Variants in ATP6V0A1 observed in about 807,000 individuals in gnomAD.
ATP6V0A1 encodes ATPase H+ transporting V0 subunit a1, also known as V-type proton ATPase 116 kDa subunit a 1.
Under a neutral mutation model 105.4 loss-of-function variants are expected in ATP6V0A1, and 43 were observed. The observed-to-expected ratio is 0.41, with a 90% CI of 0.32 to 0.53. ATP6V0A1 has a LOEUF of 0.53. Among genes scored for constraint, ATP6V0A1 ranks in the 20% least tolerant of loss-of-function variants. ATP6V0A1 has a pLI of 0.30. For missense variants in ATP6V0A1, 676 were observed against 1,051.1 expected, an observed-to-expected ratio of 0.64 and a Z score of 4.93; for synonymous variants, 362 against 372.8, an observed-to-expected ratio of 0.97 and a Z score of 0.33.
At chr17:42,507,713 C>A (rs1400000652) in intron 18 of ATP6V0A1, 86 bp downstream of exon 18, 2 of 1,110,164 alleles carry the variant, frequency 1.8e-6, no homozygotes, top group Non-Finnish European at 1.4e-6. Flanking sequence ...CTCCAGTCTT[C>A]TCCTTGAAAA....
rs1010595673 is a variant in ATP6V0A1, at chr17:42,463,431, A to G, written c.117+2420A>G. ...TTAGTTTTCCCTGTTCTTGAATTATATGTAAACGACTCATACATTGCAAAC... is the reference window on the plus strand; with the variant it reads ...TTAGTTTTCCCTGTTCTTGAATTATGTGTAAACGACTCATACATTGCAAAC... On this transcript the variant is annotated intron_variant, in intron 2 of 21. Transcript: ENST00000343619. Among the ~76,000 whole-genome samples, 87 of 152,166 alleles carry G rather than the reference A, an allele frequency of 5.7e-4. 1 individual carries two copies. Among genetic ancestry groups the G allele is most frequent in the Admixed American group, 5.4e-3 (83 of 15,272 alleles).
At chr17:42,475,392 G>A (rs987078567) in intron 5 of ATP6V0A1, among the ~76,000 whole-genome samples, 1 of 152,210 alleles carries the variant, frequency 6.6e-6, no homozygotes, top group Non-Finnish European at 1.5e-5. Context: ...TATTCACAAT[G>A]TTGTTATTAG....
chr17:42,465,690 G>A (rs892283614), intron 2 of ATP6V0A1, among the ~76,000 whole-genome samples: 2 of 151,822 alleles, frequency 1.3e-5, no homozygotes, highest in African/African-American at 4.8e-5. Context: ...GGTGCCAGAC[G>A]TGGTGGCTCA....
rs1190432004 is a variant in ATP6V0A1 at position 42,500,786 on chromosome 17, G to A, written c.1759G>A (p.Val587Ile). The A allele has an allele frequency of 6.2e-7, 1 of 1,613,810 alleles. No homozygotes were observed. The highest frequency in any genetic ancestry group is 1.1e-5 in the South Asian group (1 of 91,060). The change falls in exon 16 of 22, where the codon GTT becomes ATT. Residue 587 changes from valine (V) to isoleucine (I), a missense_variant. By Grantham distance (29) the Val-to-Ile change is conservative. Coordinates refer to ENST00000343619, the MANE Select transcript of ATP6V0A1 (RefSeq NM_001130021.3). ...IFMTSLFGYL[V>I]ILIFYKWTAY... is the part of the protein sequence containing the mutation. ...CATGACCTCTTTGTTTGGCTATTTG[G>A]TTATCCTTATTTTTTACAAGTGGAC... is the stretch of plus-strand genomic sequence containing the variant.
chr17:42,465,434 A>G (rs568387885), intron 2 of ATP6V0A1, among the ~76,000 whole-genome samples: 3 of 150,924 alleles, frequency 2.0e-5, no homozygotes, highest in East Asian at 4.0e-4. Flanking sequence ...GGGATTACAG[A>G]TGTACACTAC....
At chr17:42,505,513 G>T (rs1291594914) in intron 17 of ATP6V0A1, among the ~76,000 whole-genome samples, 2 of 148,556 alleles carry the variant, frequency 1.3e-5, no homozygotes, top group African/African-American at 5.0e-5. Flanking sequence ...CTAATTTTTG[G>T]ATTTTTAGGA....
chr17:42,491,099 G>A (rs371113969), intron 11 of ATP6V0A1, among the ~76,000 whole-genome samples: 1 of 151,524 alleles, frequency 6.6e-6, no homozygotes. Context: ...TTTTAGAGAC[G>A]GGGTCTTGTT....
intron 8 of ATP6V0A1, chr17:42,481,067 G>A (rs564638812): frequency 2.2e-4 from 41 of 183,428 alleles, no homozygotes; most frequent in Non-Finnish European, 4.1e-4. Context: ...GACTACAGGC[G>A]TGTGCCACCA....
chr17:42,508,870 C>T (rs2092188539), intron 19 of ATP6V0A1, among the ~76,000 whole-genome samples: 2 of 152,240 alleles, frequency 1.3e-5, no homozygotes, highest in East Asian at 1.9e-4. Context: ...AATGTCTTCA[C>T]TGGCATTCTT....
At chr17:42,505,854 C>T (rs1424543917) in intron 17 of ATP6V0A1, among the ~76,000 whole-genome samples, 3 of 150,208 alleles carry the variant, frequency 2.0e-5, no homozygotes, top group Non-Finnish European at 4.4e-5. Context: ...GTGGTATGAT[C>T]TCAGCTCACT....
chr17:42,496,252 C>A (rs909067973), intron 14 of ATP6V0A1: 2 of 152,114 alleles, frequency 1.3e-5, no homozygotes, highest in Non-Finnish European at 2.9e-5. Flanking sequence ...TTAATAATAT[C>A]GACTCTGGGA....
At chr17:42,480,859 T>A in intron 8 of ATP6V0A1, 110 bp downstream of exon 8, 1 of 898,212 alleles carries the variant, frequency 1.1e-6, no homozygotes, top group South Asian at 1.8e-5. Flanking sequence ...CTCAACACAG[T>A]TAATTTTAAT....
intron 11 of ATP6V0A1, among the ~76,000 whole-genome samples, chr17:42,491,400 TC>T (rs2090610296): frequency 6.6e-6 from 1 of 152,188 alleles, no homozygotes; most frequent in Non-Finnish European, 1.5e-5. Context: ...AAGCTCTGCC[TC>T]CCAGGTTCAC....
At chr17:42,496,152 G>C (rs1394081157) in intron 14 of ATP6V0A1, 2 of 164,122 alleles carry the variant, frequency 1.2e-5, no homozygotes, top group African/African-American at 4.8e-5. Flanking sequence ...AAACCTTGAT[G>C]TATGTATTCA....
chr17:42,500,421 C>T (rs531866338), intron 15 of ATP6V0A1, among the ~76,000 whole-genome samples: 1 of 152,206 alleles, frequency 6.6e-6, no homozygotes, highest in Non-Finnish European at 1.5e-5. Flanking sequence ...GTTAAGACTG[C>T]GGTGAGCCAA....
rs2088927073 is a variant in ATP6V0A1 at position 42,477,649 on chromosome 17, A to G, written c.424-11A>G. The G allele has an allele frequency of 1.2e-6, 2 of 1,613,328 alleles. No homozygotes were observed. The highest frequency in any genetic ancestry group is 1.7e-5 in the Admixed American group (1 of 59,900). ...GATTTGTGAATTCAGGCTGAATTGC[A>G]TCATCAGCAGATGGCGGATCCAGAC... On this transcript the variant is annotated splice_polypyrimidine_tract_variant and intron_variant, in intron 5 of 21. Transcript: ENST00000343619.
intron 10 of ATP6V0A1, among the ~76,000 whole-genome samples, chr17:42,490,149 A>G (rs1057067187): frequency 2.6e-5 from 4 of 152,208 alleles, no homozygotes; most frequent in African/African-American, 7.2e-5. Context: ...GGGGAGAACA[A>G]CTTTCATAAA....
intron 21 of ATP6V0A1, among the ~76,000 whole-genome samples, chr17:42,514,670 G>A (rs542561210): frequency 1.3e-5 from 2 of 152,268 alleles, no homozygotes; most frequent in South Asian, 4.2e-4. Flanking sequence ...GCCTTCCCTA[G>A]GCTCTAGGGA....
chr17:42,491,059 A>G (rs990896868), intron 11 of ATP6V0A1, among the ~76,000 whole-genome samples: 5 of 151,714 alleles, frequency 3.3e-5, no homozygotes, highest in Admixed American at 1.3e-4. Context: ...GGGTTTTGCT[A>G]TGTTGCCCAG....
Sources: gnomAD v4.1 joint callset for allele counts (sites outside exome capture counted in the v4.1 genomes callset) on GRCh38, gnomAD v4.1.1 for gene constraint, MANE v1.5 for transcripts, NCBI Gene and HGNC (gene_info 2026-07-23, HGNC 2026-07-21) for gene names.